Variants in FRY observed in about 807,000 individuals in gnomAD.
The protein encoded by FRY is FRY microtubule binding protein, also known as protein furry homolog.
A neutral mutation model predicts 348.4 loss-of-function variants in FRY; 128 were observed. The ratio of observed to expected loss-of-function variants is 0.37; its 90% CI spans 0.32 to 0.43. FRY has a LOEUF of 0.43. FRY is among the 20% of genes least tolerant of loss of function. FRY has a pLI of 1.00. For synonymous variants in FRY, 1,370 were observed against 1,374.7 expected, an observed-to-expected ratio of 1.00 and a Z score of 0.08; for missense variants, 2,736 against 3,695.2, an observed-to-expected ratio of 0.74 and a Z score of 6.73.
chr13:32,176,470 A>T (rs750434975), intron 20 of FRY, among the ~76,000 whole-genome samples: 2 of 152,158 alleles, frequency 1.3e-5, no homozygotes, highest in Non-Finnish European at 2.9e-5. Context: ...GCCTTTTCTA[A>T]CTTGATTGAA....
chr13:32,173,328 T>C (rs1205029686), intron 18 of FRY, 39 bp from the exon 19 acceptor site: 1 of 1,510,328 alleles, frequency 6.6e-7, no homozygotes, highest in Admixed American at 1.7e-5. Context: ...TCCTTTGTTA[T>C]TTCGCTGAAT....
intron 41 of FRY, among the ~76,000 whole-genome samples, chr13:32,234,276 A>G (rs927991336): frequency 3.3e-5 from 5 of 152,020 alleles, no homozygotes; most frequent in African/African-American, 1.2e-4. Context: ...ACAAAAAAGT[A>G]TCCAGGCATG....
chr13:32,101,862 G>T (rs182985208), intron 2 of FRY, 101 bp from the exon 3 acceptor site: 108 of 743,670 alleles, frequency 1.5e-4, no homozygotes, highest in Middle Eastern at 1.0e-3. Context: ...ATTCCATAAT[G>T]AGAGAAATGA....
At chr13:32,200,480 G>C (rs114795572) in intron 29 of FRY, among the ~76,000 whole-genome samples, 2,857 of 152,220 alleles carry the variant, frequency 0.019, 114 homozygotes, top group African/African-American at 0.065. Flanking sequence ...CCAACACTTT[G>C]GAAGGCCCAG....
chr13:32,279,803 A>G (rs1888723924), intron 58 of FRY, among the ~76,000 whole-genome samples: 1 of 152,248 alleles, frequency 6.6e-6, no homozygotes, highest in African/African-American at 2.4e-5. Context: ...ACCAAACACC[A>G]GTGGTTCCAT....
chr13:32,297,447 A>G lies in FRY; in HGVS notation c.*1987A>G, dbSNP rs74529433. On this transcript the variant is annotated 3_prime_UTR_variant, in exon 61 of 61. Transcript: ENST00000542859. Reference sequence around the variant, plus strand: ...AGATTCGTCATGAACTGAGTTTTCTACCATGGCTTCTTACCCAGCAGAGAA... The same window carrying G: ...AGATTCGTCATGAACTGAGTTTTCTGCCATGGCTTCTTACCCAGCAGAGAA... The G allele has an allele frequency of 2.7e-4, 41 of 152,160 alleles. No individual in the cohort carries two copies. In the East Asian group the frequency reaches 7.0e-3, roughly 26 times the overall value. 9.4% of individuals were successfully genotyped at this position (152,160 alleles called of 1,614,324 possible).
intron 59 of FRY, among the ~76,000 whole-genome samples, chr13:32,291,590 AGAT>A (rs559374267): frequency 2.7e-3 from 415 of 151,978 alleles, no homozygotes; most frequent in African/African-American, 9.2e-3. Flanking sequence ...TTTTTAGTAG[AGAT>A]GGGGTTTTGC....
chr13:32,100,283 G>A (rs1214510109), intron 2 of FRY, among the ~76,000 whole-genome samples: 1 of 151,746 alleles, frequency 6.6e-6, no homozygotes, highest in African/African-American at 2.4e-5. Flanking sequence ...ATTTCACTGT[G>A]TTGACCAGGA....
intron 36 of FRY, 90 bp from the exon 37 acceptor site, chr13:32,224,145 A>C (rs1483002193): frequency 6.6e-6 from 8 of 1,213,584 alleles, no homozygotes; most frequent in Non-Finnish European, 9.8e-6. Flanking sequence ...ACAAGCATAC[A>C]TTTTTAAAAT....
At position 32,187,526 on chromosome 13, in the gene FRY, T is replaced by G; in HGVS notation, c.3481-20T>G. The G allele has an allele frequency of 7.1e-7, 1 of 1,399,402 alleles. No individual in the cohort carries two copies. The highest frequency in any genetic ancestry group is 1.0e-6 in the Non-Finnish European group (1 of 983,760). The allele number at this position is 1,399,402 out of a possible 1,614,324, so 86.7% of individuals were successfully genotyped here. ...CATTCCAAGTTTCATTTCCATGTCT[T>G]GTTGTGTTTTTATCATCAGGCAATG... On this transcript the variant is annotated intron_variant, in intron 27 of 60. Coordinates refer to ENST00000542859, the MANE Select transcript of FRY (RefSeq NM_023037.3).
chr13:32,155,839 CT>C (rs369915780), intron 15 of FRY, among the ~76,000 whole-genome samples, 177 bp downstream of exon 15: 229 of 152,220 alleles, frequency 1.5e-3, no homozygotes, highest in African/African-American at 4.7e-3. Flanking sequence ...GCTCTTTAAA[CT>C]TTTTAGAACT....
chr13:32,157,620 G>T (rs948888192), intron 16 of FRY, among the ~76,000 whole-genome samples: 1 of 152,068 alleles, frequency 6.6e-6, no homozygotes, highest in African/African-American at 2.4e-5. Flanking sequence ...AGTATCACTA[G>T]GTCAGTAAGT....
chr13:32,069,708 G>C (rs537122677), intron 1 of FRY, among the ~76,000 whole-genome samples: 1 of 152,282 alleles, frequency 6.6e-6, no homozygotes, highest in African/African-American at 2.4e-5. Flanking sequence ...AATATTGCAT[G>C]ATTCCACTAA....
chr13:32,223,006 T>C (rs914016119), intron 36 of FRY, among the ~76,000 whole-genome samples: 1 of 152,026 alleles, frequency 6.6e-6, no homozygotes, highest in African/African-American at 2.4e-5. Context: ...CAGGCTGGAG[T>C]GCAGTGGCAT....
At position 32,265,427 on chromosome 13, in the gene FRY, CT is replaced by C. The variant is rs1295287521; in HGVS notation, c.7780-19del. 9 of 1,612,972 alleles carry C rather than the reference CT, an allele frequency of 5.6e-6. No homozygotes were observed. The Admixed American group carries it at 1.2e-4, about 21-fold the overall frequency. ...ATGTTTTCTTACACATTGGGGGATT[CT>C]TTTGTCTTTTTATTCTTCCAGGCTG... On this transcript the variant is annotated intron_variant, in intron 53 of 60. Transcript: ENST00000542859.
At chr13:32,069,875 C>T (rs1262030919) in intron 1 of FRY, among the ~76,000 whole-genome samples, 2 of 151,428 alleles carry the variant, frequency 1.3e-5, no homozygotes, top group Non-Finnish European at 2.9e-5. Flanking sequence ...ACCCCCACCC[C>T]CCAAGAGGCC....
chr13:32,143,345 A>G (rs761233315), intron 11 of FRY, among the ~76,000 whole-genome samples: 43 of 152,254 alleles, frequency 2.8e-4, no homozygotes, highest in Non-Finnish European at 5.4e-4. Context: ...AATTAACAGT[A>G]CATAATCCAC....
chr13:32,088,995 T>C (rs1876070177), intron 2 of FRY, among the ~76,000 whole-genome samples: 1 of 152,156 alleles, frequency 6.6e-6, no homozygotes, highest in Admixed American at 6.5e-5. Flanking sequence ...TGACAGAAAA[T>C]ACCAATAAAA....
intron 40 of FRY, 83 bp from the exon 41 acceptor site, chr13:32,231,096 T>A (rs1269671532): frequency 8.4e-7 from 1 of 1,185,604 alleles, no homozygotes; most frequent in Non-Finnish European, 1.2e-6. Context: ...ATATGTTATA[T>A]GTTTGGAGTC....
Sources: gnomAD v4.1 joint callset for allele counts (sites outside exome capture counted in the v4.1 genomes callset) on GRCh38, gnomAD v4.1.1 for gene constraint, MANE v1.5 for transcripts, NCBI Gene and HGNC (gene_info 2026-07-23, HGNC 2026-07-21) for gene names.